Variants in SNRNP27 observed in about 807,000 individuals in gnomAD.
SNRNP27 encodes U4/U6.U5 small nuclear ribonucleoprotein 27 kDa protein.
In SNRNP27, 22 loss-of-function variants were observed where a neutral mutation model predicts 25.1. The observed-to-expected ratio is 0.88, with a 90% CI of 0.63 to 1.25. SNRNP27 has a LOEUF of 1.25. Among genes scored for constraint, SNRNP27 ranks in the 50% most tolerant of loss-of-function variants. The pLI, the probability that SNRNP27 is intolerant of heterozygous loss-of-function variation, is 0.00. For missense variants in SNRNP27, 150 were observed against 202.3 expected, an observed-to-expected ratio of 0.74 and a Z score of 1.57; for synonymous variants, 66 against 64.9, an observed-to-expected ratio of 1.02 and a Z score of -0.08.
intron 4 of SNRNP27, among the ~76,000 whole-genome samples, chr2:69,899,435 A>T (rs1181639028): frequency 6.6e-6 from 1 of 150,974 alleles, no homozygotes; most frequent in African/African-American, 2.4e-5. Context: ...TTTTATTTTA[A>T]TTTTATTTTT....
intron 2 of SNRNP27, 56 bp downstream of exon 2, chr2:69,895,270 G>T (rs1339066499): frequency 1.9e-6 from 3 of 1,592,444 alleles, no homozygotes; most frequent in Middle Eastern, 1.7e-4. Context: ...TAAGAAACTG[G>T]TCGCAGCTCT....
chr2:69,902,425 T>TCTTCTGCTGCTC (rs1478516247), intron 4 of SNRNP27, among the ~76,000 whole-genome samples: 4 of 151,800 alleles, frequency 2.6e-5, no homozygotes, highest in African/African-American at 9.7e-5. Context: ...TGCGTCTGCT[T>TCTTCTGCTGCTC]CTTCTGCTGC....
chr2:69,901,505 T>C (rs1211054138), intron 4 of SNRNP27, among the ~76,000 whole-genome samples: 1 of 152,196 alleles, frequency 6.6e-6, no homozygotes, highest in African/African-American at 2.4e-5. Context: ...GTTATTCTGT[T>C]CTGATTCTTG....
At chr2:69,902,395 GCTT>G (rs1676717568) in intron 4 of SNRNP27, among the ~76,000 whole-genome samples, 2 of 151,534 alleles carry the variant, frequency 1.3e-5, no homozygotes, top group African/African-American at 4.9e-5. Context: ...TGCTGCTCCT[GCTT>G]CTTCTGGTTC....
rs770322323 is a variant in SNRNP27 at position 69,897,390 on chromosome 2, G to A, written c.282G>A (p.Glu94=). ...TCTTTTTTGCAGAGGAAGACTTAGAGGGCAAAACAGAGGAAGAAATAGAAA... is the reference window on the plus strand; with the variant it reads ...TCTTTTTTGCAGAGGAAGACTTAGAAGGCAAAACAGAGGAAGAAATAGAAA... The part of the protein sequence containing the change: ...KERQITEEDL[E]GKTEEEIEMM... Residue 94 remains glutamate (E), a synonymous_variant, in exon 4 of 6, where the codon GAG becomes GAA. Transcript: ENST00000244227. 6.2e-7 allele frequency: 1 copy of A among 1,612,604 alleles called. No homozygotes were observed.
intron 1 of SNRNP27, among the ~76,000 whole-genome samples, chr2:69,894,701 CAG>C (rs1212404658): frequency 6.6e-6 from 1 of 151,882 alleles, no homozygotes; most frequent in Non-Finnish European, 1.5e-5. Flanking sequence ...TTTAATGAGA[CAG>C]AGTCTCGCTC....
Position 69,904,841 on chromosome 2 carries a change from C to G in SNRNP27, c.*533C>G, listed in dbSNP as rs1417368245. 1.5e-5 allele frequency: 2 copies of G among 136,300 alleles called. No individual in the cohort carries two copies. Among genetic ancestry groups the G allele is most frequent in the South Asian group, 4.8e-4 (2 of 4,142 alleles). The allele number at this position is 136,300 out of a possible 1,614,324, so 8.4% of individuals were successfully genotyped here. On this transcript the variant is annotated 3_prime_UTR_variant, in exon 6 of 6. Transcript: ENST00000244227. ...TCGCCCGCCCCCCCCCAAAAAAATA[C>G]CATTTATGGTTCTCTCCGCAAGTAT...
chr2:69,904,762 G>T lies in SNRNP27; in HGVS notation c.*454G>T. On this transcript the variant is annotated 3_prime_UTR_variant, in exon 6 of 6. Coordinates refer to ENST00000244227, the MANE Select transcript of SNRNP27 (RefSeq NM_006857.3). ...GATTTAAGTATCTTGATTGTTAGTAGTCTAAAAATGGGAAGAATGAAAAAG... is the reference window on the plus strand; with the variant it reads ...GATTTAAGTATCTTGATTGTTAGTATTCTAAAAATGGGAAGAATGAAAAAG... 1 of 163,594 alleles carries T rather than the reference G, an allele frequency of 6.1e-6. No individual in the cohort carries two copies. 10.1% of individuals were successfully genotyped at this position (163,594 alleles called of 1,614,324 possible).
rs10198316 is a variant in SNRNP27 at position 69,904,817 on chromosome 2, C to T, written c.*509C>T. 0.09 allele frequency: 12,953 copies of T among 143,146 alleles called. 2,005 individuals are homozygous for T. The highest frequency in any genetic ancestry group is 0.32 in the African/African-American group (12,327 of 38,380). 8.9% of individuals were successfully genotyped at this position (143,146 alleles called of 1,614,324 possible). ...ACTAGATTTTTCTATCTTCTGTGGT[C>T]GCCCGCCCCCCCCCAAAAAAATACC... is the stretch of plus-strand genomic sequence containing the variant. On this transcript the variant is annotated 3_prime_UTR_variant, in exon 6 of 6. Transcript: ENST00000244227.
intron 5 of SNRNP27, chr2:69,903,451 T>C (rs1193444083): frequency 9.7e-6 from 5 of 515,342 alleles, no homozygotes; most frequent in African/African-American, 1.9e-5. Context: ...GAGAGGGTAG[T>C]TGGCTTAAAT....
At chr2:69,895,715 C>T (rs975257804) in intron 2 of SNRNP27, among the ~76,000 whole-genome samples, 3 of 152,162 alleles carry the variant, frequency 2.0e-5, no homozygotes, top group Non-Finnish European at 4.4e-5. Context: ...CATGCCACCA[C>T]ACCCAGCTAA....
intron 1 of SNRNP27, 76 bp downstream of exon 1, chr2:69,894,094 T>C (rs529975082): frequency 2.9e-6 from 4 of 1,393,906 alleles, no homozygotes; most frequent in Non-Finnish European, 4.0e-6. Context: ...TGTTTTGTTT[T>C]TGGTAGCCGC....
At chr2:69,901,144 A>T (rs985452366) in intron 4 of SNRNP27, among the ~76,000 whole-genome samples, 1 of 151,626 alleles carries the variant, frequency 6.6e-6, no homozygotes, top group Non-Finnish European at 1.5e-5. Flanking sequence ...ACTGCACTCT[A>T]GCCTAGTGGC....
chr2:69,897,741 A>G (rs1311420102), intron 4 of SNRNP27: 14 of 337,642 alleles, frequency 4.1e-5, no homozygotes, highest in South Asian at 6.6e-5. Context: ...TGAAAATGCC[A>G]TGTAGGTGTA....
At chr2:69,900,524 G>A (rs542616028) in intron 4 of SNRNP27, among the ~76,000 whole-genome samples, 2 of 152,310 alleles carry the variant, frequency 1.3e-5, no homozygotes, top group South Asian at 4.1e-4. Context: ...AGAAAAGTAA[G>A]ACCAAATACA....
chr2:69,904,733 C>A lies in SNRNP27; in HGVS notation c.*425C>A, dbSNP rs1676765015. On this transcript the variant is annotated 3_prime_UTR_variant, in exon 6 of 6. Coordinates refer to ENST00000244227, the MANE Select transcript of SNRNP27 (RefSeq NM_006857.3). ...CAGACATTTTCTTTTTTTTTTCACA[C>A]ATAGATTTAAGTATCTTGATTGTTA... 5.0e-6 allele frequency: 1 copy of A among 198,220 alleles called. No homozygotes were observed. Among genetic ancestry groups the A allele is most frequent in the Non-Finnish European group, 1.0e-5 (1 of 99,336 alleles). The allele number at this position is 198,220 out of a possible 1,614,324, so 12.3% of individuals were successfully genotyped here. A position where few individuals can be genotyped will look rare whatever the true frequency, so the allele number is the denominator to read the frequency against.
Position 69,895,093 on chromosome 2 carries a change from G to C in SNRNP27, c.35-1G>C. 1 of 1,613,002 alleles carries C rather than the reference G, an allele frequency of 6.2e-7. No individual in the cohort carries two copies. The highest frequency in any genetic ancestry group is 1.1e-5 in the South Asian group (1 of 91,034). ...CTGCAATTTGTGTGCGTTTGCATTAGAACGTAGGCGTTCCCGGTCCACATC... is the reference window on the plus strand; with the variant it reads ...CTGCAATTTGTGTGCGTTTGCATTACAACGTAGGCGTTCCCGGTCCACATC... On this transcript the variant is annotated splice_acceptor_variant, in intron 1 of 5. Transcript: ENST00000244227. LOFTEE classifies it high-confidence loss of function.
chr2:69,899,140 A>G (rs148318157), intron 4 of SNRNP27, among the ~76,000 whole-genome samples: 4 of 152,280 alleles, frequency 2.6e-5, no homozygotes, highest in African/African-American at 9.6e-5. Flanking sequence ...TTTGCTTATA[A>G]AGGAAAACTT....
chr2:69,900,941 C>T (rs1384066455), intron 4 of SNRNP27, among the ~76,000 whole-genome samples: 1 of 152,074 alleles, frequency 6.6e-6, no homozygotes, highest in Non-Finnish European at 1.5e-5. Flanking sequence ...CTTTGGGAGG[C>T]CGAGGCGGGG....
Sources: allele counts gnomAD v4.1 joint callset (sites outside exome capture counted in the v4.1 genomes callset), GRCh38; gene constraint gnomAD v4.1.1; transcripts MANE v1.5; gene names NCBI Gene and HGNC (gene_info 2026-07-23, HGNC 2026-07-21).